NBAS: variants seen among roughly 807,000 people sequenced by gnomAD.
NBAS encodes the protein NAG/BC035112 fusion.
NBAS carries 219 observed loss-of-function variants against 302.5 expected under a neutral mutation model. The observed-to-expected ratio is 0.72, with a 90% CI of 0.65 to 0.81. The LOEUF (loss-of-function observed/expected upper bound fraction) is 0.81, where lower values mean the gene tolerates loss of function less well. NBAS is among the 30% of genes least tolerant of loss of function. The pLI is 0.00. For synonymous variants in NBAS, 1,118 were observed against 1,021.6 expected (o/e 1.09, Z -1.80); for missense variants, 2,932 against 2,841.6 (o/e 1.03, Z -0.72).
At chr2:14,958,632 C>G in the NBAS span, among the ~76,000 whole-genome samples, 1 of 152,178 alleles carries the variant, frequency 6.6e-6, no homozygotes, top group Admixed American at 6.5e-5. Context: ...AATCTTCCAC[C>G]TTCAATTTCT....
the NBAS span, among the ~76,000 whole-genome samples, chr2:14,884,035 T>C: frequency 2.0e-5 from 3 of 151,098 alleles, no homozygotes; most frequent in Non-Finnish European, 3.0e-5. Context: ...AAATACAACA[T>C]GGAAAGAGCA....
the NBAS span, among the ~76,000 whole-genome samples, chr2:15,119,372 G>A: frequency 7.1e-6 from 1 of 140,404 alleles, no homozygotes; most frequent in South Asian, 2.3e-4. Context: ...GCAGTGGCAC[G>A]ATCTCAGCTC....
the NBAS span, among the ~76,000 whole-genome samples, chr2:14,781,487 A>T: frequency 1.3e-5 from 2 of 152,058 alleles, no homozygotes; most frequent in African/African-American, 4.8e-5. Flanking sequence ...AAAAAAAAAA[A>T]TCCAATACAG....
the NBAS span, among the ~76,000 whole-genome samples, chr2:15,089,037 C>G: frequency 6.6e-6 from 1 of 152,166 alleles, no homozygotes; most frequent in African/African-American, 2.4e-5. Flanking sequence ...GAGACAAACC[C>G]CACAGCTAAA....
chr2:14,837,742 A>C, the NBAS span, among the ~76,000 whole-genome samples: 1 of 151,728 alleles, frequency 6.6e-6, no homozygotes, highest in Non-Finnish European at 1.5e-5. Flanking sequence ...ACCCTAAAAA[A>C]ATTATATTTT....
the NBAS span, among the ~76,000 whole-genome samples, chr2:14,921,420 A>G: frequency 5.9e-5 from 9 of 152,246 alleles, no homozygotes; most frequent in East Asian, 1.7e-3. Context: ...AAGTGAGCAC[A>G]TGCTGATGGA....
the NBAS span, among the ~76,000 whole-genome samples, chr2:14,793,498 C>T: frequency 3.9e-5 from 6 of 151,928 alleles, no homozygotes; most frequent in Non-Finnish European, 8.8e-5. Context: ...ATAGAATCCA[C>T]ACAATCTGAA....
At chr2:14,914,350 A>C in the NBAS span, among the ~76,000 whole-genome samples, 2 of 152,208 alleles carry the variant, frequency 1.3e-5, no homozygotes, top group Non-Finnish European at 2.9e-5. Context: ...ACAGGGCCAC[A>C]TGGGGGTTGC....
At chr2:15,473,839 G>A (rs866432673) in intron 15 of NBAS, among the ~76,000 whole-genome samples, 1 of 152,096 alleles carries the variant, frequency 6.6e-6, no homozygotes, top group Non-Finnish European at 1.5e-5. Context: ...GCCACCAAGT[G>A]GATAATCAGT....
At chr2:14,944,323 C>A in the NBAS span, among the ~76,000 whole-genome samples, 1 of 151,912 alleles carries the variant, frequency 6.6e-6, no homozygotes, top group East Asian at 1.9e-4. Context: ...AACAAAAAAA[C>A]AAAAAAACAA....
intron 32 of NBAS, among the ~76,000 whole-genome samples, chr2:15,360,029 C>A (rs1472612727): frequency 6.6e-6 from 1 of 152,008 alleles, no homozygotes; most frequent in Non-Finnish European, 1.5e-5. Flanking sequence ...ATACTATGGG[C>A]AACTGGAATG....
chr2:14,995,148 G>A, the NBAS span, among the ~76,000 whole-genome samples: 1 of 152,108 alleles, frequency 6.6e-6, no homozygotes, highest in East Asian at 1.9e-4. Context: ...CCATGTTGGT[G>A]TGCTGCACCC....
At chr2:15,059,509 A>G in the NBAS span, among the ~76,000 whole-genome samples, 2 of 152,176 alleles carry the variant, frequency 1.3e-5, no homozygotes, top group African/African-American at 4.8e-5. Flanking sequence ...GAGGCCTATC[A>G]GGAAATAAGC....
the NBAS span, among the ~76,000 whole-genome samples, chr2:15,009,662 GCATATATATATA>G: frequency 1.6e-5 from 2 of 122,036 alleles, no homozygotes; most frequent in South Asian, 5.8e-4. Flanking sequence ...ATGTAGGAAT[GCATATATATATA>G]CATATATATG....
At chr2:15,228,179 T>C (rs940305830) in intron 47 of NBAS, among the ~76,000 whole-genome samples, 2 of 152,022 alleles carry the variant, frequency 1.3e-5, no homozygotes, top group African/African-American at 4.8e-5. Flanking sequence ...GGAGCAATAG[T>C]GACCTGAAGT....
chr2:15,293,276 G>A (rs988108074), intron 40 of NBAS, among the ~76,000 whole-genome samples: 3 of 152,026 alleles, frequency 2.0e-5, no homozygotes, highest in Non-Finnish European at 4.4e-5. Flanking sequence ...GGATAAGTTC[G>A]GGAAAAAACC....
chr2:15,353,805 G>T, intron 33 of NBAS, 95 bp from the exon 34 acceptor site: 1 of 1,461,696 alleles, frequency 6.8e-7, no homozygotes, highest in Non-Finnish European at 9.6e-7. Flanking sequence ...AGGTCTTGTG[G>T]TACCAAAGCA....
At chr2:15,440,285 C>A (rs575358235) in intron 21 of NBAS, among the ~76,000 whole-genome samples, 21 of 152,280 alleles carry the variant, frequency 1.4e-4, no homozygotes, top group Admixed American at 1.3e-3. Flanking sequence ...ACACTTCACA[C>A]GGCCCGGTAC....
intron 35 of NBAS, among the ~76,000 whole-genome samples, chr2:15,350,187 C>T (rs573236863): frequency 6.6e-6 from 1 of 151,972 alleles, no homozygotes; most frequent in African/African-American, 2.4e-5. Context: ...CTAATTCCAC[C>T]AATAGACTCC....
Sources: gnomAD v4.1 joint callset for allele counts (sites outside exome capture counted in the v4.1 genomes callset) on GRCh38, gnomAD v4.1.1 for gene constraint, MANE v1.5 for transcripts, NCBI Gene and HGNC (gene_info 2026-07-23, HGNC 2026-07-21) for gene names.